NCKAP5: variants seen among roughly 807,000 people sequenced by gnomAD.
NCKAP5 encodes nck-associated protein 5.
NCKAP5 carries 92 observed loss-of-function variants against 167.0 expected under a neutral mutation model. The observed-to-expected ratio is 0.55, with a 90% CI of 0.47 to 0.66. The LOEUF (loss-of-function observed/expected upper bound fraction) is 0.66, where lower values mean the gene tolerates loss of function less well. NCKAP5 is among the 30% of genes least tolerant of loss of function. The probability of loss-of-function intolerance (pLI) is 0.00; values close to 1 mark genes in which losing one functional copy is unlikely to be tolerated. For missense variants in NCKAP5, 2,378 were observed against 2,315.0 expected (o/e 1.03, Z -0.56); for synonymous variants, 891 against 877.4 (o/e 1.02, Z -0.27).
chr2:132,734,581 G>A lies in NCKAP5; in HGVS notation c.5129-2530C>T, dbSNP rs192368503. ...CTCAGCAGGGCAGGACGTTAGGGGC[G>A]CTTTTTCTTTTGAGAAGACGCGTCA... On this transcript the variant is annotated intron_variant, in intron 16 of 19. Coordinates refer to ENST00000409261, the MANE Select transcript of NCKAP5 (RefSeq NM_207363.3). Among the ~76,000 whole-genome samples, 10 of 152,230 alleles carry A rather than the reference G, an allele frequency of 6.6e-5. 1 individual carries two copies. In the East Asian group the frequency reaches 9.7e-4, roughly 15 times the overall value.
chr2:133,573,605 A>G, the NCKAP5 span, among the ~76,000 whole-genome samples: 3 of 152,202 alleles, frequency 2.0e-5, no homozygotes, highest in Admixed American at 2.0e-4. Context: ...GTACTAAGGC[A>G]CTGGAAGGCT....
intron 5 of NCKAP5, among the ~76,000 whole-genome samples, chr2:133,134,139 C>T (rs890110680): frequency 1.6e-4 from 25 of 152,172 alleles, no homozygotes; most frequent in Admixed American, 1.6e-3. Flanking sequence ...TTCAAACAGA[C>T]CTCAGTCCAC....
the NCKAP5 span, among the ~76,000 whole-genome samples, chr2:133,638,527 C>A: frequency 5.9e-5 from 9 of 152,270 alleles, no homozygotes; most frequent in African/African-American, 2.2e-4. Context: ...GATGGCACTA[C>A]GTCCAAATGT....
At position 133,321,000 on chromosome 2, in the gene NCKAP5, C is replaced by T. The variant is rs1011418261; in HGVS notation, c.70-17890G>A. 3.9e-4 allele frequency among the ~76,000 whole-genome samples: 60 copies of T among 152,162 alleles called. 1 individual carries two copies. Among genetic ancestry groups the T allele is most frequent in the Admixed American group, 3.1e-3 (48 of 15,282 alleles). ...ACTGGAGTAGGCTTAGCCATAACTT[C>T]TAGTGCTGCAGACTAGCCCTAACCC... On this transcript the variant is annotated intron_variant, in intron 3 of 19. Transcript: ENST00000409261.
intron 4 of NCKAP5, among the ~76,000 whole-genome samples, chr2:133,216,270 T>A (rs1164248568): frequency 6.6e-6 from 1 of 151,616 alleles, no homozygotes; most frequent in Non-Finnish European, 1.5e-5. Flanking sequence ...ATAATTGGAT[T>A]TTTTTTTCTT....
intron 8 of NCKAP5, among the ~76,000 whole-genome samples, chr2:132,929,379 A>G (rs1356331554): frequency 1.3e-5 from 2 of 152,192 alleles, no homozygotes; most frequent in African/African-American, 2.4e-5. Flanking sequence ...ATTAAACTAG[A>G]TAATTTCTGG....
At chr2:132,883,398 G>C (rs982472068) in intron 8 of NCKAP5, among the ~76,000 whole-genome samples, 2 of 151,974 alleles carry the variant, frequency 1.3e-5, no homozygotes, top group African/African-American at 4.8e-5. Flanking sequence ...CCCCACCCTT[G>C]GTTTGGTCTC....
intron 5 of NCKAP5, among the ~76,000 whole-genome samples, chr2:133,192,547 G>C (rs992989631): frequency 6.6e-6 from 1 of 151,522 alleles, no homozygotes; most frequent in African/African-American, 2.4e-5. Flanking sequence ...GACTCTCAAA[G>C]CTCGAAAGAA....
At chr2:132,738,047 G>A (rs778463416) in intron 16 of NCKAP5, among the ~76,000 whole-genome samples, 5 of 152,280 alleles carry the variant, frequency 3.3e-5, no homozygotes, top group Non-Finnish European at 7.3e-5. Flanking sequence ...CTTCCTCATC[G>A]TTAATGGATG....
At chr2:133,111,445 G>A (rs1284319951) in intron 6 of NCKAP5, among the ~76,000 whole-genome samples, 1 of 152,160 alleles carries the variant, frequency 6.6e-6, no homozygotes, top group East Asian at 1.9e-4. Flanking sequence ...GATACAAGAA[G>A]ATTCACATCA....
At chr2:133,674,717 C>T in the NCKAP5 span, among the ~76,000 whole-genome samples, 1 of 152,054 alleles carries the variant, frequency 6.6e-6, no homozygotes, top group South Asian at 2.1e-4. Context: ...TTCACTTTAG[C>T]CCACTCATTG....
the NCKAP5 span, among the ~76,000 whole-genome samples, chr2:133,634,895 T>C: frequency 1.3e-5 from 2 of 151,066 alleles, no homozygotes; most frequent in Non-Finnish European, 2.9e-5. Flanking sequence ...TTAGACAGAG[T>C]CTCACTCTGT....
chr2:133,548,250 G>C (rs1686929550), intron 2 of NCKAP5, among the ~76,000 whole-genome samples: 1 of 152,072 alleles, frequency 6.6e-6, no homozygotes, highest in Non-Finnish European at 1.5e-5. Flanking sequence ...ATCTACATCT[G>C]ATTGGTGTAC....
chr2:133,085,689 C>T (rs895057895), intron 6 of NCKAP5, among the ~76,000 whole-genome samples: 2 of 152,026 alleles, frequency 1.3e-5, no homozygotes, highest in Non-Finnish European at 2.9e-5. Flanking sequence ...TGTTATAGGT[C>T]CTTGAGTGGG....
At chr2:133,575,905 T>A in the NCKAP5 span, among the ~76,000 whole-genome samples, 2 of 152,212 alleles carry the variant, frequency 1.3e-5, no homozygotes, top group African/African-American at 4.8e-5. Flanking sequence ...ATGTTCACAT[T>A]TGCTTTTTGT....
chr2:133,361,000 T>C lies in NCKAP5; in HGVS notation c.70-57890A>G, dbSNP rs557384275. 2.1e-4 allele frequency among the ~76,000 whole-genome samples: 31 copies of C among 149,914 alleles called. 1 individual carries two copies. In the South Asian group the frequency reaches 6.1e-3, roughly 30 times the overall value. On this transcript the variant is annotated intron_variant, in intron 3 of 19. Coordinates refer to ENST00000409261, the MANE Select transcript of NCKAP5 (RefSeq NM_207363.3). ...TCACATGATAGGTGCAAGAAATCAA[T>C]GGGCAGACCCAAGCAGGAGACAAGG...
intron 3 of NCKAP5, among the ~76,000 whole-genome samples, chr2:133,323,456 G>A (rs1682208894): frequency 6.6e-6 from 1 of 152,212 alleles, no homozygotes; most frequent in South Asian, 2.1e-4. Flanking sequence ...AGCTGATGAA[G>A]TTAGCAAGGC....
At chr2:133,659,324 C>A in the NCKAP5 span, among the ~76,000 whole-genome samples, 4 of 152,192 alleles carry the variant, frequency 2.6e-5, no homozygotes, top group Admixed American at 2.6e-4. Flanking sequence ...TACCTCACAC[C>A]ATCTACAAAA....
chr2:133,145,711 C>T (rs1418038696), intron 5 of NCKAP5, among the ~76,000 whole-genome samples: 1 of 152,010 alleles, frequency 6.6e-6, no homozygotes, highest in Non-Finnish European at 1.5e-5. Flanking sequence ...CTTCAGACGT[C>T]CTTTTGTCTG....
Sources: allele counts gnomAD v4.1 joint callset (sites outside exome capture counted in the v4.1 genomes callset), GRCh38; gene constraint gnomAD v4.1.1; transcripts MANE v1.5; gene names NCBI Gene and HGNC (gene_info 2026-07-23, HGNC 2026-07-21).